The following CD101 variants were observed in gnomAD, a reference collection of about 807,000 sequenced individuals.
The protein encoded by CD101 is immunoglobulin superfamily member 2.
CD101 carries 76 observed loss-of-function variants against 98.2 expected under a neutral mutation model. The ratio of observed to expected loss-of-function variants is 0.77; its 90% CI spans 0.64 to 0.94. The LOEUF (loss-of-function observed/expected upper bound fraction) is 0.94. CD101 is among the 40% of genes least tolerant of loss of function. The pLI is 0.00. For missense variants in CD101, 1,145 were observed against 1,218.8 expected, an observed-to-expected ratio of 0.94 and a Z score of 0.90; for synonymous variants, 471 against 472.7, an observed-to-expected ratio of 1.00 and a Z score of 0.05.
At chr1:117,031,596 C>T (rs1654471321) in intron 8 of CD101, among the ~76,000 whole-genome samples, 1 of 152,190 alleles carries the variant, frequency 6.6e-6, no homozygotes, top group African/African-American at 2.4e-5. Flanking sequence ...CAGCCCTGTT[C>T]TCTGTCTGTT....
Position 117,033,011 on chromosome 1 carries a change from T to C in CD101, c.2825-849T>C, listed in dbSNP as rs1225138087. 1 of 152,274 alleles carries C rather than the reference T, an allele frequency of 6.6e-6. No homozygotes were observed. The highest frequency in any genetic ancestry group is 1.5e-5 in the Non-Finnish European group (1 of 68,070). The allele number at this position is 152,274 out of a possible 1,614,324, so 9.4% of individuals were successfully genotyped here. ...ATCAGCAAAAGTTACTGAGCACATG[T>C]GCTAGGCACTGTAGGGGATATAGAA... On this transcript the variant is annotated intron_variant, in intron 8 of 9. Coordinates refer to ENST00000682167, the MANE Select transcript of CD101 (RefSeq NM_001256106.3). The surrounding 1 kb of genome is among the most constrained non-coding windows in gnomAD (Gnocchi z 4.8).
rs11806022 is a variant in CD101 at position 117,008,535 on chromosome 1, A to G, written c.44-1315A>G. On this transcript the variant is annotated intron_variant, in intron 1 of 9. Transcript: ENST00000682167. ...TTGGTTGGGCATTGGTTGGTTTCCC[A>G]GTTTTAGACTGAACATACATATATG... 4.1e-3 allele frequency among the ~76,000 whole-genome samples: 619 copies of G among 152,244 alleles called. 5 individuals carry two copies. The highest frequency in any genetic ancestry group is 0.014 in the African/African-American group (597 of 41,546).
In CD101 at chr1:117,025,854, A is replaced by G; in HGVS notation, c.2774A>G (p.Asn925Ser). The G allele has an allele frequency of 6.2e-7, 1 of 1,614,044 alleles. No homozygotes were observed. The highest frequency in any genetic ancestry group is 1.7e-5 in the Admixed American group (1 of 60,018). Residue 925 changes from asparagine to serine, a missense_variant, in exon 8 of 10, where the codon AAT (asparagine) becomes AGT (serine). Coordinates refer to ENST00000682167, the MANE Select transcript of CD101 (RefSeq NM_001256106.3). The part of the protein sequence containing the change: ...QLHGHPSKWI[N>S]QASDESQRMV... The stretch of plus-strand genomic sequence containing the variant: ...CATGGACACCCAAGCAAGTGGATTA[A>G]TCAAGCATCCGATGAGTCACAGCGG...
Sources: allele counts gnomAD v4.1 joint callset (sites outside exome capture counted in the v4.1 genomes callset), GRCh38; gene constraint gnomAD v4.1.1; non-coding constraint Gnocchi (gnomAD v3.1); transcripts MANE v1.5; gene names NCBI Gene and HGNC (gene_info 2026-07-23, HGNC 2026-07-21).